ADGRG1: variants seen among roughly 807,000 people sequenced by gnomAD.
ADGRG1 encodes the protein 7-transmembrane protein with no EGF-like N-terminal domains-1.
A neutral mutation model predicts 73.5 loss-of-function variants in ADGRG1; 53 were observed. The observed-to-expected ratio is 0.72, with a 90% CI of 0.58 to 0.91. The LOEUF is 0.91. ADGRG1 is among the 40% of genes least tolerant of loss of function. The pLI is 0.00. For missense variants in ADGRG1, 795 were observed against 871.8 expected (o/e 0.91, Z 1.11); for synonymous variants, 394 against 374.4 (o/e 1.05, Z -0.60).
rs74022020 is a variant in ADGRG1, at chr16:57,663,601, C to A, written c.*19C>A. On this transcript the variant is annotated 3_prime_UTR_variant, in exon 14 of 14. Transcript: ENST00000562631. Reference sequence around the variant, plus strand: ...CATCTAGGCCTCCAGCCCACCTGCCCATGTGATGAAGCAGAGATTCGGCCT... The same window carrying A: ...CATCTAGGCCTCCAGCCCACCTGCCAATGTGATGAAGCAGAGATTCGGCCT... The A allele has an allele frequency of 6.6e-3, 10,574 of 1,611,196 alleles. 611 individuals carry two copies. In the African/African-American group the frequency reaches 0.12, roughly 19 times the overall value.
At chr16:57,644,849 GGCACACACAC>G (rs2042098973) in intron 1 of ADGRG1, among the ~76,000 whole-genome samples, 1 of 124,150 alleles carries the variant, frequency 8.1e-6, no homozygotes, top group Non-Finnish European at 1.6e-5. Context: ...ACTCATGCAG[GGCACACACAC>G]CCATGCACAC....
At chr16:57,624,939 T>C (rs925659934), upstream of ADGRG1, among the ~76,000 whole-genome samples, 2 of 152,070 alleles carry the variant, frequency 1.3e-5, no homozygotes, top group Non-Finnish European at 2.9e-5. Context: ...GCTATTTTGG[T>C]CCCCACTTGG....
chr16:57,655,800 G>A, intron 6 of ADGRG1, 76 bp from the exon 7 acceptor site: 1 of 1,613,566 alleles, frequency 6.2e-7, no homozygotes, highest in Non-Finnish European at 8.5e-7. Flanking sequence ...ATCTAGAGAG[G>A]GTAAGGGGCT....
intron 2 of ADGRG1, among the ~76,000 whole-genome samples, chr16:57,622,503 G>A (rs2035044072): frequency 6.6e-6 from 1 of 152,222 alleles, no homozygotes; most frequent in Admixed American, 6.5e-5. Context: ...GTGACATGCA[G>A]GGATGTGTAG....
chr16:57,640,561 C>T lies in ADGRG1; in HGVS notation c.-35-9692C>T, dbSNP rs550899564. Among the ~76,000 whole-genome samples, 18 of 152,310 alleles carry T rather than the reference C, an allele frequency of 1.2e-4. 1 individual carries two copies. Among genetic ancestry groups the T allele is most frequent in the Admixed American group, 7.2e-4 (11 of 15,310 alleles). On this transcript the variant is annotated intron_variant, in intron 1 of 13. Coordinates refer to ENST00000562631, the MANE Select transcript of ADGRG1 (RefSeq NM_201525.4). ...CTGGAGGTGGTGAGCACCCCGCCTG[C>T]GGGGTGTGCAACCTCTGATGGTCAG...
intron 1 of ADGRG1, 43 bp from the exon 2 acceptor site, chr16:57,650,210 C>T (rs992033181): frequency 1.3e-6 from 2 of 1,559,640 alleles, no homozygotes; most frequent in Non-Finnish European, 1.8e-6. Flanking sequence ...GCCCAACCAC[C>T]ACACAGTCCA....
At chr16:57,650,098 G>T (rs2043670902) in intron 1 of ADGRG1, 155 bp from the exon 2 acceptor site, 1 of 980,960 alleles carries the variant, frequency 1.0e-6, no homozygotes, top group African/African-American at 1.7e-5. Context: ...TTGGGGAGCG[G>T]CCTCTGGCCG....
chr16:57,632,977 C>T (rs1223395165), intron 1 of ADGRG1: 15 of 983,602 alleles, frequency 1.5e-5, no homozygotes, highest in African/African-American at 7.0e-5. Context: ...GATAGAGAGC[C>T]GCCTCTGCCA....
At chr16:57,636,628 T>TA in intron 1 of ADGRG1, 4 of 985,240 alleles carry the variant, frequency 4.1e-6, no homozygotes, top group Non-Finnish European at 4.8e-6. Flanking sequence ...CTATCAGGAA[T>TA]GGCTATCTAG....
chr16:57,648,257 ATG>A (rs1172083054), intron 1 of ADGRG1: 1 of 154,624 alleles, frequency 6.5e-6, no homozygotes. Context: ...CGGAAGGGAC[ATG>A]TCCCTGTCCC....
At chr16:57,626,987 A>C, upstream of ADGRG1, 1 of 985,504 alleles carries the variant, frequency 1.0e-6, no homozygotes, top group Non-Finnish European at 1.2e-6. Flanking sequence ...AGAGGGTATG[A>C]CATGGGCCCA....
intron 1 of ADGRG1, chr16:57,631,985 C>T (rs955314291): frequency 2.4e-5 from 24 of 985,324 alleles, no homozygotes; most frequent in Non-Finnish European, 2.9e-5. Context: ...TCAGCTAAGC[C>T]CCAAACTCTC....
At chr16:57,655,320 T>TGG in intron 5 of ADGRG1, 79 bp from the exon 6 acceptor site, 1 of 855,728 alleles carries the variant, frequency 1.2e-6, no homozygotes. Context: ...AACGGATGGG[T>TGG]GTGTGTGTGT....
chr16:57,644,641 C>G (rs548690279), intron 1 of ADGRG1, among the ~76,000 whole-genome samples: 1 of 148,660 alleles, frequency 6.7e-6, no homozygotes, highest in South Asian at 2.2e-4. Flanking sequence ...CACACTCATG[C>G]ATGGGCACGC....
At chr16:57,647,463 G>C (rs2042970595) in intron 1 of ADGRG1, 2 of 983,004 alleles carry the variant, frequency 2.0e-6, no homozygotes, top group Non-Finnish European at 1.2e-6. Flanking sequence ...ACTTAGCTGA[G>C]ACTGATGGCA....
chr16:57,645,503 G>C (rs2042392925), intron 1 of ADGRG1: 1 of 229,522 alleles, frequency 4.4e-6, no homozygotes, highest in East Asian at 1.8e-4. Context: ...GGAAGAGAGT[G>C]CTGGAACGCA....
intron 10 of ADGRG1, 49 bp from the exon 11 acceptor site, chr16:57,659,364 C>G (rs766333741): frequency 1.1e-5 from 17 of 1,611,658 alleles, no homozygotes; most frequent in Non-Finnish European, 1.4e-5. Flanking sequence ...GGGCACACTC[C>G]CCTCTCTACC....
chr16:57,644,344 C>A, intron 1 of ADGRG1: 1 of 274,810 alleles, frequency 3.6e-6, no homozygotes, highest in Non-Finnish European at 5.5e-6. Context: ...GGCACACACA[C>A]TGATCACACA....
At chr16:57,630,874 C>A in intron 1 of ADGRG1, 1 of 824,696 alleles carries the variant, frequency 1.2e-6, no homozygotes, top group Non-Finnish European at 1.5e-6. Context: ...GGGAACGATA[C>A]AAGCTGGGGA....
Sources: allele counts gnomAD v4.1 joint callset (sites outside exome capture counted in the v4.1 genomes callset), GRCh38; gene constraint gnomAD v4.1.1; transcripts MANE v1.5; gene names NCBI Gene and HGNC (gene_info 2026-07-23, HGNC 2026-07-21).